EPS15L1: variants seen among roughly 807,000 people sequenced by gnomAD.
The protein encoded by EPS15L1 is epidermal growth factor receptor pathway substrate 15 like 1.
EPS15L1 carries 43 observed loss-of-function variants against 117.1 expected under a neutral mutation model. The ratio of observed to expected loss-of-function variants is 0.37; its 90% CI spans 0.29 to 0.47. The LOEUF (loss-of-function observed/expected upper bound fraction) is 0.47, where lower values mean the gene tolerates loss of function less well. Among genes scored for constraint, EPS15L1 ranks in the 20% least tolerant of loss-of-function variants. EPS15L1 has a pLI of 0.99. For missense variants in EPS15L1, 981 were observed against 1,164.0 expected (o/e 0.84, Z 2.29); for synonymous variants, 459 against 470.5 (o/e 0.98, Z 0.32).
intron 22 of EPS15L1, among the ~76,000 whole-genome samples, chr19:16,363,258 T>C (rs1326601133): frequency 2.0e-5 from 3 of 152,170 alleles, no homozygotes; most frequent in Admixed American, 2.0e-4. Flanking sequence ...TGCAACACGA[T>C]TCCGGCGTGT....
chr19:16,441,599 A>C, intron 3 of EPS15L1: 1 of 203,684 alleles, frequency 4.9e-6, no homozygotes. Context: ...GCTGCATTCC[A>C]GCCTAGGCAA....
rs1012498016 is a variant in EPS15L1 at position 16,355,753 on chromosome 19, G to A, written c.2685C>T (p.Asp895=). Residue 895 remains aspartate (D), a synonymous_variant, in exon 24 of 24, where the codon GAC becomes GAT. Transcript: ENST00000455140. The part of the protein sequence containing the change: ...LARLRRQEQE[D]LELAIALSKA... ...TGCTGAGCGCGATGGCCAGTTCCAG[G>A]TCCTCCTGCTCCTGCCGCCGCAGCC... The A allele has an allele frequency of 6.5e-7, 1 of 1,535,950 alleles. No homozygotes were observed. Among genetic ancestry groups the A allele is most frequent in the African/African-American group, 1.4e-5 (1 of 73,064 alleles).
rs563683660 is a variant in EPS15L1, at chr19:16,426,326, C to T, written c.559-1010G>A. On this transcript the variant is annotated intron_variant, in intron 8 of 23. Transcript: ENST00000455140. ...CTAGGAACACTCCATAACTGCTGGC[C>T]TGTGCTCTTCAAAATGTCCACGTTG... Among the ~76,000 whole-genome samples, 5 of 152,304 alleles carry T rather than the reference C, an allele frequency of 3.3e-5. No individual in the cohort carries two copies. The South Asian group carries it at 8.3e-4, about 25-fold the overall frequency.
At chr19:16,433,712 A>C (rs1033194451) in intron 7 of EPS15L1, among the ~76,000 whole-genome samples, 1 of 151,334 alleles carries the variant, frequency 6.6e-6, no homozygotes, top group Admixed American at 6.6e-5. Flanking sequence ...CACGCCTGTA[A>C]TCCCAGCACT....
chr19:16,424,199 G>A (rs2092845170), intron 9 of EPS15L1, among the ~76,000 whole-genome samples: 1 of 152,228 alleles, frequency 6.6e-6, no homozygotes, highest in Admixed American at 6.5e-5. Flanking sequence ...CCAGACAAGA[G>A]CATTGCTGGC....
At position 16,404,680 on chromosome 19, in the gene EPS15L1, G is replaced by A; in HGVS notation, c.1336C>T (p.Gln446Ter). 6.2e-7 allele frequency: 1 copy of A among 1,614,220 alleles called. No individual in the cohort carries two copies. Among genetic ancestry groups the A allele is most frequent in the Non-Finnish European group, 8.5e-7 (1 of 1,180,050 alleles). Residue 446 changes from glutamine (Q) to a stop codon, truncating the protein, a stop_gained, in exon 14 of 24, where the codon CAA becomes TAA. Transcript: ENST00000455140. LOFTEE classifies it high-confidence loss of function. The surrounding 1 kb of genome is among the most constrained non-coding windows in gnomAD (Gnocchi z 4.2). Reference protein sequence around the residue: ...QELEAQKQDAQDRLDEMDQQK... With the variant: ...QELEAQKQDA ...TGGTCCATCTCGTCCAGGCGGTCTTGAGCATCCTGTTTCTGAGCCTCGAGC... is the reference window on the plus strand; with the variant it reads ...TGGTCCATCTCGTCCAGGCGGTCTTAAGCATCCTGTTTCTGAGCCTCGAGC...
Position 16,361,992 on chromosome 19 carries a change from G to A in EPS15L1, c.2381-8C>T, listed in dbSNP as rs759353583. On this transcript the variant is annotated splice_region_variant and splice_polypyrimidine_tract_variant and intron_variant, in intron 22 of 23. Transcript: ENST00000455140. ...TTACAGGTGTACTTTTACCTGGAAA[G>A]TTTAGGAGAAAAAAAAAAGGAGAAA... The A allele has an allele frequency of 6.3e-7, 1 of 1,574,898 alleles. No homozygotes were observed.
intron 8 of EPS15L1, among the ~76,000 whole-genome samples, 200 bp from the exon 9 acceptor site, chr19:16,425,516 C>T (rs1312344345): frequency 6.6e-6 from 1 of 152,170 alleles, no homozygotes; most frequent in Non-Finnish European, 1.5e-5. Context: ...TTGAATTATT[C>T]CTCGAGACTG....
At chr19:16,409,463 G>A (rs1023451335) in intron 13 of EPS15L1, among the ~76,000 whole-genome samples, 5 of 152,142 alleles carry the variant, frequency 3.3e-5, no homozygotes, top group African/African-American at 4.8e-5. Context: ...GACACCAAAA[G>A]CAACAGCAGC....
chr19:16,405,083 G>A lies in EPS15L1; in HGVS notation c.1267-334C>T, dbSNP rs982842659. ...CTGCGGAGGGGAACATCACCCAAACGCAAATAAACGTGGACAAGTGGCACC... is the reference window on the plus strand; with the variant it reads ...CTGCGGAGGGGAACATCACCCAAACACAAATAAACGTGGACAAGTGGCACC... On this transcript the variant is annotated intron_variant, in intron 13 of 23. Transcript: ENST00000455140. This position sits in a 1 kb window ranked among gnomAD's most constrained non-coding sequence, Gnocchi z 4.0. 1.3e-5 allele frequency among the ~76,000 whole-genome samples: 2 copies of A among 152,206 alleles called. No homozygotes were observed. Among genetic ancestry groups the A allele is most frequent in the Non-Finnish European group, 2.9e-5 (2 of 68,046 alleles).
chr19:16,371,961 T>G lies in EPS15L1; in HGVS notation c.2380+5161A>C, dbSNP rs928629145. Among the ~76,000 whole-genome samples, 4 of 152,244 alleles carry G rather than the reference T, an allele frequency of 2.6e-5. No homozygotes were observed. The highest frequency in any genetic ancestry group is 2.9e-5 in the Non-Finnish European group (2 of 68,036). On this transcript the variant is annotated intron_variant, in intron 22 of 23. Coordinates refer to ENST00000455140, the MANE Select transcript of EPS15L1 (RefSeq NM_001258374.3). The surrounding 1 kb of genome is among the most constrained non-coding windows in gnomAD (Gnocchi z 4.7). ...GGCAGCCTGCCGGGTCTGTGCTGCA[T>G]CTGCCTGAAAGAAACCAGTTTCTTC...
intron 1 of EPS15L1, among the ~76,000 whole-genome samples, chr19:16,460,688 C>T (rs946827322): frequency 2.0e-5 from 3 of 152,176 alleles, no homozygotes; most frequent in Non-Finnish European, 2.9e-5. Flanking sequence ...AAAGCCAGCA[C>T]GGGGGTGCCG....
At chr19:16,440,800 G>A in intron 4 of EPS15L1, 62 bp downstream of exon 4, 1 of 1,502,322 alleles carries the variant, frequency 6.7e-7, no homozygotes, top group Non-Finnish European at 9.3e-7. Flanking sequence ...GAGCCGTGGA[G>A]GTCACCCAGC....
intron 7 of EPS15L1, among the ~76,000 whole-genome samples, chr19:16,430,122 A>C (rs972956361): frequency 6.6e-6 from 1 of 152,218 alleles, no homozygotes; most frequent in Admixed American, 6.5e-5. Context: ...CCACATGCCC[A>C]GACTTCTACC....
intron 13 of EPS15L1, chr19:16,413,134 C>G (rs1385484971): frequency 1.5e-6 from 1 of 668,214 alleles, no homozygotes; most frequent in Non-Finnish European, 2.8e-6. Flanking sequence ...TCCAAGGAGG[C>G]GGCCACTGCC....
At chr19:16,461,093 CAGG>C (rs1287408137) in intron 1 of EPS15L1, among the ~76,000 whole-genome samples, 4 of 149,540 alleles carry the variant, frequency 2.7e-5, no homozygotes, top group Admixed American at 6.6e-5. Flanking sequence ...ATCATGAGGT[CAGG>C]AGATCGAGAC....
intron 1 of EPS15L1, among the ~76,000 whole-genome samples, chr19:16,456,985 G>T (rs1408093311): frequency 6.6e-6 from 1 of 152,088 alleles, no homozygotes; most frequent in Non-Finnish European, 1.5e-5. Flanking sequence ...AGGCCAGCAA[G>T]GTGGGCGCAT....
At chr19:16,446,907 T>C (rs552113258) in intron 1 of EPS15L1, among the ~76,000 whole-genome samples, 2 of 152,338 alleles carry the variant, frequency 1.3e-5, no homozygotes, top group South Asian at 4.1e-4. Flanking sequence ...GGCTATGTTT[T>C]TCAATGCCAC....
At position 16,400,336 on chromosome 19, in the gene EPS15L1, C is replaced by CAAAAAAAAAAAAAAAAAAA. The variant is rs1162302779; in HGVS notation, c.1791+1984_1791+1985insTTTTTTTTTTTTTTTTTTT. ...TGGGAGACAGAGCGAGACTCCGTCT[C>CAAAAAAAAAAAAAAAAAAA]AAAAAAAAAAAAACAAAAACAAAAA... On this transcript the variant is annotated intron_variant, in intron 16 of 23. Transcript: ENST00000455140. 6.6e-5 allele frequency among the ~76,000 whole-genome samples: 4 copies of CAAAAAAAAAAAAAAAAAAA among 60,684 alleles called. No individual in the cohort carries two copies. In the Admixed American group the frequency reaches 7.5e-4, roughly 11 times the overall value. 39.8% of individuals were successfully genotyped at this position (60,684 alleles called of 152,430 possible).
Sources: allele counts gnomAD v4.1 joint callset (sites outside exome capture counted in the v4.1 genomes callset), GRCh38; gene constraint gnomAD v4.1.1; non-coding constraint Gnocchi (gnomAD v3.1); transcripts MANE v1.5; gene names NCBI Gene and HGNC (gene_info 2026-07-23, HGNC 2026-07-21).